The following PCSK9 variants were observed in gnomAD, a reference collection of about 807,000 sequenced individuals.
The protein encoded by PCSK9 is proprotein convertase subtilisin/kexin type 9.
A neutral mutation model predicts 62.1 loss-of-function variants in PCSK9; 57 were observed. The ratio of observed to expected loss-of-function variants is 0.92; its 90% CI spans 0.74 to 1.14. The LOEUF (loss-of-function observed/expected upper bound fraction) is 1.14. PCSK9 is among the 50% of genes most tolerant of loss of function. PCSK9 has a pLI of 0.00. For synonymous variants in PCSK9, 387 were observed against 409.4 expected (o/e 0.95, Z 0.66); for missense variants, 870 against 959.8 (o/e 0.91, Z 1.24).
intron 3 of PCSK9, among the ~76,000 whole-genome samples, chr1:55,048,270 G>T (rs1644648136): frequency 6.6e-6 from 1 of 152,146 alleles, no homozygotes; most frequent in African/African-American, 2.4e-5. Flanking sequence ...AAGGACACTT[G>T]TCATTGGATT....
At chr1:55,047,311 G>C (rs1412562728) in intron 3 of PCSK9, among the ~76,000 whole-genome samples, 2 of 152,230 alleles carry the variant, frequency 1.3e-5, no homozygotes, top group Non-Finnish European at 2.9e-5. Context: ...AGAGAATGAA[G>C]GGTTCTAGTT....
At chr1:55,048,928 T>C (rs1644654338) in intron 3 of PCSK9, among the ~76,000 whole-genome samples, 1 of 152,224 alleles carries the variant, frequency 6.6e-6, no homozygotes, top group Admixed American at 6.5e-5. Context: ...TAATAACGTT[T>C]TGAGCACCCA....
Position 55,063,804 on chromosome 1 carries a change from G to A in PCSK9, c.*220G>A. 1.7e-6 allele frequency: 1 copy of A among 602,862 alleles called. No homozygotes were observed. The highest frequency in any genetic ancestry group is 2.1e-5 in the South Asian group (1 of 48,508). 37.3% of individuals were successfully genotyped at this position (602,862 alleles called of 1,614,324 possible). ...CCTCCTCCCCAGGTGGAGGTGCCAG[G>A]AAGCTCCCTCCCTCACTGTGGGGCA... On this transcript the variant is annotated 3_prime_UTR_variant, in exon 12 of 12. Transcript: ENST00000302118.
chr1:55,051,947 C>A (rs1644676808), intron 3 of PCSK9: 1 of 384,864 alleles, frequency 2.6e-6, no homozygotes, highest in Admixed American at 3.7e-5. Context: ...CTTTATTTTA[C>A]ACTTTGATAC....
chr1:55,061,579 G>A, intron 11 of PCSK9, 23 bp downstream of exon 11: 1 of 1,570,820 alleles, frequency 6.4e-7, no homozygotes, highest in Non-Finnish European at 8.6e-7. Flanking sequence ...GTGAGGCCGG[G>A]TGGGTGGGGT....
At chr1:55,057,865 C>T (rs531460512) in intron 7 of PCSK9, among the ~76,000 whole-genome samples, 171 bp from the exon 8 acceptor site, 6 of 152,324 alleles carry the variant, frequency 3.9e-5, no homozygotes, top group African/African-American at 1.4e-4. Flanking sequence ...AGGAGGCTGT[C>T]TTACCTCACT....
Position 55,051,418 on chromosome 1 carries a change from T to A in PCSK9, c.524-860T>A, listed in dbSNP as rs150277231. 316 of 337,056 alleles carry A rather than the reference T, an allele frequency of 9.4e-4. 1 individual carries two copies. The highest frequency in any genetic ancestry group is 6.5e-3 in the African/African-American group (297 of 45,458). 20.9% of individuals were successfully genotyped at this position (337,056 alleles called of 1,614,324 possible). ...ACCTGCCTGAAGTCTTCCTTTGGCCTGGCTGAGAGTTTCTGAGACCTGCGC... is the reference window on the plus strand; with the variant it reads ...ACCTGCCTGAAGTCTTCCTTTGGCCAGGCTGAGAGTTTCTGAGACCTGCGC... On this transcript the variant is annotated intron_variant, in intron 3 of 11. Coordinates refer to ENST00000302118, the MANE Select transcript of PCSK9 (RefSeq NM_174936.4).
intron 1 of PCSK9, among the ~76,000 whole-genome samples, chr1:55,041,080 G>A (rs929228877): frequency 2.6e-5 from 4 of 152,186 alleles, no homozygotes; most frequent in African/African-American, 9.7e-5. Context: ...GGTGACAATC[G>A]TCCCTACGGC....
intron 3 of PCSK9, chr1:55,051,859 C>T (rs1230151783): frequency 6.6e-6 from 2 of 301,144 alleles, no homozygotes; most frequent in East Asian, 1.8e-4. Flanking sequence ...CCAGACATCA[C>T]TGTTATTCTC....
intron 1 of PCSK9, among the ~76,000 whole-genome samples, chr1:55,042,161 A>G (rs1644602014): frequency 6.6e-6 from 1 of 152,010 alleles, no homozygotes; most frequent in South Asian, 2.1e-4. Flanking sequence ...TGGCCAGGCT[A>G]GTCGCAAACT....
rs981267830 is a variant in PCSK9, at chr1:55,059,655, T to G, written c.1673T>G (p.Val558Gly). 1 of 1,550,606 alleles carries G rather than the reference T, an allele frequency of 6.4e-7. No individual in the cohort carries two copies. The highest frequency in any genetic ancestry group is 1.4e-5 in the African/African-American group (1 of 73,184). Residue 558 changes from valine (V) to glycine (G), a missense_variant, in exon 10 of 12, where the codon GTC becomes GGC. Transcript: ENST00000302118. Reference protein sequence around the residue: ...TRVHCHQQGHVLTGCSSHWEV... With the variant: ...TRVHCHQQGHGLTGCSSHWEV... Reference sequence around the variant, plus strand: ...GTCCACTGCCACCAACAGGGCCACGTCCTCACAGGTAGGAGGCTGGGCTTG... The same window carrying G: ...GTCCACTGCCACCAACAGGGCCACGGCCTCACAGGTAGGAGGCTGGGCTTG...
intron 3 of PCSK9, among the ~76,000 whole-genome samples, chr1:55,048,139 C>T (rs905779267): frequency 3.3e-5 from 5 of 152,144 alleles, no homozygotes; most frequent in African/African-American, 4.8e-5. Context: ...CACTTTCTCC[C>T]GGGGGGCTCC....
chr1:55,060,986 A>G lies in PCSK9; in HGVS notation c.1682-389A>G, dbSNP rs548070210. 6.0e-4 allele frequency among the ~76,000 whole-genome samples: 91 copies of G among 152,340 alleles called. 1 individual carries two copies. The highest frequency in any genetic ancestry group is 2.1e-4 in the Non-Finnish European group (14 of 68,024). ...TCTGACTCCTAAGCCCATGGAGGGC[A>G]TTCTGAGGTGGTTCAGACAGACCCC... is the stretch of plus-strand genomic sequence containing the variant. On this transcript the variant is annotated intron_variant, in intron 10 of 11. Transcript: ENST00000302118.
At chr1:55,044,833 C>T (rs1197470577) in intron 2 of PCSK9, among the ~76,000 whole-genome samples, 2 of 152,096 alleles carry the variant, frequency 1.3e-5, no homozygotes, top group African/African-American at 4.8e-5. Context: ...GCACTGCTGC[C>T]CCATGGGTTA....
rs72646522 is a variant in PCSK9, at chr1:55,059,709, C to T, written c.1681+46C>T. On this transcript the variant is annotated intron_variant, in intron 10 of 11. Coordinates refer to ENST00000302118, the MANE Select transcript of PCSK9 (RefSeq NM_174936.4). ...TGGGGTGAGGAGGGGTCTCTTTCTC[C>T]TTATGCACCCACTGCCCGCGAGGCT... The T allele has an allele frequency of 7.0e-5, 108 of 1,541,682 alleles. No individual in the cohort carries two copies. In the African/African-American group the frequency reaches 1.4e-3, roughly 19 times the overall value.
At chr1:55,062,686 A>C (rs1644769829) in intron 11 of PCSK9, among the ~76,000 whole-genome samples, 1 of 152,188 alleles carries the variant, frequency 6.6e-6, no homozygotes. Context: ...GTACCAGGAA[A>C]CCAGAGAGGT....
At chr1:55,043,495 G>T (rs149869492) in intron 1 of PCSK9, among the ~76,000 whole-genome samples, 1 of 152,312 alleles carries the variant, frequency 6.6e-6, no homozygotes, top group East Asian at 1.9e-4. Context: ...TATTCTGACT[G>T]GGGCATGGGG....
At position 55,061,557 on chromosome 1, in the gene PCSK9, G is replaced by A. The variant is rs765335983; in HGVS notation, c.1863+1G>A. 1.7e-4 allele frequency: 264 copies of A among 1,593,508 alleles called. No individual in the cohort carries two copies. The highest frequency in any genetic ancestry group is 2.2e-4 in the Non-Finnish European group (254 of 1,170,300). On this transcript the variant is annotated splice_donor_variant, in intron 11 of 11. Transcript: ENST00000302118. LOFTEE classifies it high-confidence loss of function. ...TGGAATCCCGGCCCCTCAGGAGCAG[G>A]TGAAGAGGCCCGTGAGGCCGGGTGG...
intron 1 of PCSK9, among the ~76,000 whole-genome samples, chr1:55,043,347 C>T (rs1644609921): frequency 6.6e-6 from 1 of 152,234 alleles, no homozygotes; most frequent in African/African-American, 2.4e-5. Context: ...GTACTGTGGT[C>T]TCTACAATAC....
Sources: allele counts gnomAD v4.1 joint callset (sites outside exome capture counted in the v4.1 genomes callset), GRCh38; gene constraint gnomAD v4.1.1; transcripts MANE v1.5; gene names NCBI Gene and HGNC (gene_info 2026-07-23, HGNC 2026-07-21).